ANXA4: variants seen among roughly 807,000 people sequenced by gnomAD.
The protein encoded by ANXA4 is 35-beta calcimedin.
A neutral mutation model predicts 49.8 loss-of-function variants in ANXA4; 39 were observed. That is an observed-to-expected ratio of 0.78 (90% CI 0.61 to 1.02). The LOEUF is 1.02. Among genes scored for constraint, ANXA4 ranks in the 50% least tolerant of loss-of-function variants. The pLI is 0.00. For synonymous variants in ANXA4, 134 were observed against 152.5 expected (o/e 0.88, Z 0.89); for missense variants, 360 against 410.1 (o/e 0.88, Z 1.05).
At chr2:69,736,059 C>T (rs1329435944) in intron 3 of ANXA4, among the ~76,000 whole-genome samples, 2 of 152,170 alleles carry the variant, frequency 1.3e-5, no homozygotes, top group East Asian at 3.8e-4. Flanking sequence ...ATGTTCTGAG[C>T]AAGAGAGCTA....
intron 3 of ANXA4, among the ~76,000 whole-genome samples, chr2:69,731,980 C>CTTTTTTTTT (rs11425067): frequency 4.2e-5 from 5 of 120,162 alleles, no homozygotes; most frequent in Admixed American, 9.3e-5. Flanking sequence ...TCTTTTCTTT[C>CTTTTTTTTT]TTTTTTTTTT....
intron 3 of ANXA4, among the ~76,000 whole-genome samples, chr2:69,721,085 G>A (rs536092390): frequency 6.6e-6 from 1 of 152,304 alleles, no homozygotes; most frequent in South Asian, 2.1e-4. Flanking sequence ...GGCCACCCTG[G>A]GCCTGCATGC....
At chr2:69,741,702 GGCTTGGCGCGGA>G (rs1466616946), upstream of ANXA4, among the ~76,000 whole-genome samples, 1 of 152,264 alleles carries the variant, frequency 6.6e-6, no homozygotes, top group African/African-American at 2.4e-5. Context: ...GCGGGACTCC[GGCTTGGCGCGGA>G]GCTGGGCGCG....
At chr2:69,718,765 ACACACACATT>A (rs370465023) in intron 2 of ANXA4, among the ~76,000 whole-genome samples, 13,682 of 145,982 alleles carry the variant, frequency 0.094, 2,030 homozygotes, top group African/African-American at 0.34. Context: ...ACACACACAT[ACACACACATT>A]CACACACATG....
rs759241971 is a variant in ANXA4, at chr2:69,816,058, C to T, written c.535-43C>T. On this transcript the variant is annotated intron_variant, in intron 8 of 12. Transcript: ENST00000394295. ...GGAAATATTTGCCTGTGTCCTGGCACATCGTTTTTGGAATTTTAGACCTGT... is the reference window on the plus strand; with the variant it reads ...GGAAATATTTGCCTGTGTCCTGGCATATCGTTTTTGGAATTTTAGACCTGT... 5 of 1,509,794 alleles carry T rather than the reference C, an allele frequency of 3.3e-6. No homozygotes were observed. The South Asian group carries it at 5.6e-5, about 17-fold the overall frequency. 93.5% of individuals were successfully genotyped at this position (1,509,794 alleles called of 1,614,324 possible). A position where few individuals can be genotyped will look rare whatever the true frequency, so the allele number is the denominator to read the frequency against.
chr2:69,729,588 C>T (rs1670044587), intron 3 of ANXA4, among the ~76,000 whole-genome samples: 1 of 152,174 alleles, frequency 6.6e-6, no homozygotes, highest in Non-Finnish European at 1.5e-5. Context: ...GCCAGGACAG[C>T]CGCCCCACAA....
rs890150558 is a variant in ANXA4, at chr2:69,807,901, T to C, written c.307-5T>C. The stretch of plus-strand genomic sequence containing the variant: ...TATAGCCCTGTCCTCTGGTTTCTTG[T>C]TTAGGGAGCCGGCACTGATGAGGGC... On this transcript the variant is annotated splice_region_variant and splice_polypyrimidine_tract_variant and intron_variant, in intron 5 of 12. Coordinates refer to ENST00000394295, the MANE Select transcript of ANXA4 (RefSeq NM_001153.5). 5.0e-6 allele frequency: 8 copies of C among 1,613,792 alleles called. No individual in the cohort carries two copies. The African/African-American group carries it at 1.1e-4, about 22-fold the overall frequency.
intron 2 of ANXA4, among the ~76,000 whole-genome samples, chr2:69,687,893 C>T (rs372478309): frequency 6.6e-6 from 1 of 152,222 alleles, no homozygotes. Context: ...CTGAACATAT[C>T]ATTGAGTCCA....
intron 7 of ANXA4, among the ~76,000 whole-genome samples, chr2:69,812,226 AT>A: frequency 6.6e-6 from 1 of 151,508 alleles, no homozygotes; most frequent in South Asian, 2.1e-4. Context: ...GCCTCAAGAC[AT>A]CCTCCCACCT....
chr2:69,813,738 T>TTC (rs763588413), intron 8 of ANXA4, among the ~76,000 whole-genome samples: 58 of 132,002 alleles, frequency 4.4e-4, no homozygotes, highest in Middle Eastern at 3.8e-3. Flanking sequence ...AGACCCAGTA[T>TTC]TCTCTCTCTC....
chr2:69,761,072 T>C (rs1300080667), intron 1 of ANXA4, among the ~76,000 whole-genome samples: 1 of 151,872 alleles, frequency 6.6e-6, no homozygotes, highest in Admixed American at 6.6e-5. Context: ...GTTTGAATTG[T>C]CTAGTAATTA....
In ANXA4 at chr2:69,776,530, T is replaced by C. The variant is rs116703464; in HGVS notation, c.-46-4990T>C. ...GATGGGTGAGGGGGTGGGGTGGGGG[T>C]TCCCACATCAAGCATCAAGCAGTTC... is the stretch of plus-strand genomic sequence containing the variant. On this transcript the variant is annotated intron_variant, in intron 1 of 12. Coordinates refer to ENST00000394295, the MANE Select transcript of ANXA4 (RefSeq NM_001153.5). 5.4e-3 allele frequency among the ~76,000 whole-genome samples: 822 copies of C among 151,492 alleles called. 9 individuals are homozygous for C. The highest frequency in any genetic ancestry group is 0.018 in the African/African-American group (724 of 41,352).
intron 2 of ANXA4, chr2:69,673,935 A>G (rs1677297021): frequency 6.6e-6 from 1 of 151,384 alleles, no homozygotes; most frequent in South Asian, 2.1e-4. Flanking sequence ...GATGTTCCTT[A>G]CCCTACACGA....
At chr2:69,663,999 G>A (rs772044879) in intron 2 of ANXA4, among the ~76,000 whole-genome samples, 73 of 152,300 alleles carry the variant, frequency 4.8e-4, no homozygotes, top group Non-Finnish European at 6.8e-4. Context: ...ACCAGGGCAC[G>A]TTGTGATATG....
At chr2:69,802,730 A>T in intron 3 of ANXA4, among the ~76,000 whole-genome samples, 1 of 148,234 alleles carries the variant, frequency 6.7e-6, no homozygotes, top group Non-Finnish European at 1.5e-5. Context: ...AAAAAAATTG[A>T]ATCTATTTTG....
chr2:69,812,758 A>G lies in ANXA4; in HGVS notation c.534+49A>G, dbSNP rs770565360. 18 of 1,550,256 alleles carry G rather than the reference A, an allele frequency of 1.2e-5. No individual in the cohort carries two copies. The South Asian group carries it at 1.3e-4, about 12-fold the overall frequency. ...CTTCCAGCTTTCTTCTCTTTCGCCA[A>G]TGAGACAGGCCTTAGTGGGTGGATA... On this transcript the variant is annotated intron_variant, in intron 8 of 12. Coordinates refer to ENST00000394295, the MANE Select transcript of ANXA4 (RefSeq NM_001153.5).
chr2:69,757,074 G>A (rs1671066519), intron 1 of ANXA4, among the ~76,000 whole-genome samples: 1 of 148,340 alleles, frequency 6.7e-6, no homozygotes, highest in African/African-American at 2.5e-5. Flanking sequence ...CTACAGGCAC[G>A]TGCCACCATG....
At chr2:69,663,365 G>A (rs184009511) in intron 2 of ANXA4, among the ~76,000 whole-genome samples, 25 of 123,668 alleles carry the variant, frequency 2.0e-4, no homozygotes, top group Non-Finnish European at 3.6e-4. Context: ...CAGAGCCAAA[G>A]GTCATCACAA....
In ANXA4 at chr2:69,656,169, TATA is replaced by T. The variant is rs374737817; in HGVS notation, n.766+2890_766+2892del. The stretch of plus-strand genomic sequence containing the variant: ...TGCATATGTATCCCAGCACTTAAAG[TATA>T]ATTAAAATATATATACGTATATATA... On this transcript the variant is annotated intron_variant and non_coding_transcript_variant, in intron 2 of 3. Transcript: ENST00000418066. Among the ~76,000 whole-genome samples, 126 of 146,376 alleles carry T rather than the reference TATA, an allele frequency of 8.6e-4. No homozygotes were observed. In the East Asian group the frequency reaches 0.023, roughly 27 times the overall value.
Sources: allele counts gnomAD v4.1 joint callset (sites outside exome capture counted in the v4.1 genomes callset), GRCh38; gene constraint gnomAD v4.1.1; transcripts MANE v1.5; gene names NCBI Gene and HGNC (gene_info 2026-07-23, HGNC 2026-07-21).